The following PCDHGA11 variants were observed in gnomAD, a reference collection of about 807,000 sequenced individuals.
PCDHGA11 encodes the protein protocadherin gamma subfamily A, 11.
Under a neutral mutation model 60.4 loss-of-function variants are expected in PCDHGA11, and 39 were observed. The ratio of observed to expected loss-of-function variants is 0.65; its 90% CI spans 0.50 to 0.84. The LOEUF is 0.84. Among genes scored for constraint, PCDHGA11 ranks in the 40% least tolerant of loss-of-function variants. The probability of loss-of-function intolerance (pLI) is 0.00; values close to 1 mark genes in which losing one functional copy is unlikely to be tolerated. For synonymous variants in PCDHGA11, 533 were observed against 510.3 expected (o/e 1.04, Z -0.60); for missense variants, 1,165 against 1,197.7 (o/e 0.97, Z 0.40).
rs148995268 is a variant in PCDHGA11, at chr5:141,486,253, C to T, written c.2434-8554C>T. On this transcript the variant is annotated intron_variant, in intron 1 of 3. Coordinates refer to ENST00000398587, the MANE Select transcript of PCDHGA11 (RefSeq NM_018914.3). The surrounding 1 kb of genome is among the most constrained non-coding windows in gnomAD (Gnocchi z 5.0). The stretch of plus-strand genomic sequence containing the variant: ...TGACCTCAGAGCTTGGAACCCTCCC[C>T]GAGAGTGCAGAACCTGGCACTGTGG... 8 of 1,614,020 alleles carry T rather than the reference C, an allele frequency of 5.0e-6. No individual in the cohort carries two copies. The African/African-American group carries it at 8.0e-5, about 16-fold the overall frequency.
chr5:141,479,329 G>A (rs2099493017), intron 1 of PCDHGA11: 1 of 152,490 alleles, frequency 6.6e-6, no homozygotes, highest in African/African-American at 2.4e-5. Context: ...AGACTCAGTG[G>A]TGTGCACCTG....
intron 1 of PCDHGA11, among the ~76,000 whole-genome samples, chr5:141,470,205 G>T (rs934926584): frequency 6.6e-6 from 1 of 152,094 alleles, no homozygotes; most frequent in Non-Finnish European, 1.5e-5. Flanking sequence ...AAATATGAAG[G>T]CTAAACCATT....
intron 1 of PCDHGA11, among the ~76,000 whole-genome samples, chr5:141,446,128 G>A (rs1242643475): frequency 3.3e-5 from 5 of 152,188 alleles, no homozygotes; most frequent in Non-Finnish European, 7.3e-5. Flanking sequence ...GGTTCAATAA[G>A]ACTTAATAAT....
intron 1 of PCDHGA11, chr5:141,479,750 G>T: frequency 6.6e-6 from 1 of 152,310 alleles, no homozygotes. Context: ...CAATGTGAAA[G>T]GTAGATAAAT....
intron 1 of PCDHGA11, among the ~76,000 whole-genome samples, chr5:141,469,088 G>A (rs1388316490): frequency 6.6e-6 from 1 of 151,604 alleles, no homozygotes; most frequent in Non-Finnish European, 1.5e-5. Context: ...ACCATTCTAG[G>A]CAACAAAGCA....
chr5:141,499,089 A>G (rs1417307590), intron 2 of PCDHGA11, among the ~76,000 whole-genome samples: 2 of 152,116 alleles, frequency 1.3e-5, no homozygotes, highest in Non-Finnish European at 1.5e-5. Context: ...CCTGCTTGGC[A>G]CATGCTTCTC....
In PCDHGA11 at chr5:141,486,030, C is replaced by T. The variant is rs2099623234; in HGVS notation, c.2434-8777C>T. 2 of 1,614,046 alleles carry T rather than the reference C, an allele frequency of 1.2e-6. No homozygotes were observed. Among genetic ancestry groups the T allele is most frequent in the African/African-American group, 1.3e-5 (1 of 74,918 alleles). On this transcript the variant is annotated intron_variant, in intron 1 of 3. Coordinates refer to ENST00000398587, the MANE Select transcript of PCDHGA11 (RefSeq NM_018914.3). This position sits in a 1 kb window ranked among gnomAD's most constrained non-coding sequence, Gnocchi z 5.0. ...ACCTTTTATTTCAGTGGTCATACCC[C>T]TGATCGTGTAAGAAACCTCTTTAGC...
At chr5:141,480,910 T>C (rs985100480) in intron 1 of PCDHGA11, among the ~76,000 whole-genome samples, 5 of 152,106 alleles carry the variant, frequency 3.3e-5, no homozygotes, top group Non-Finnish European at 7.4e-5. Flanking sequence ...CTGGGCATGG[T>C]GGCGCATACC....
At position 141,493,202 on chromosome 5, in the gene PCDHGA11, A is replaced by G. The variant is rs1246390819; in HGVS notation, c.2434-1605A>G. Among the ~76,000 whole-genome samples, 1 of 152,196 alleles carries G rather than the reference A, an allele frequency of 6.6e-6. No individual in the cohort carries two copies. ...ACTATATAACTCCTTTGAGAACCTC[A>G]TCTCATTTGCTCTTCCCACCATTGC... On this transcript the variant is annotated intron_variant, in intron 1 of 3. Transcript: ENST00000398587. The surrounding 1 kb of genome is among the most constrained non-coding windows in gnomAD (Gnocchi z 4.3).
intron 1 of PCDHGA11, among the ~76,000 whole-genome samples, chr5:141,492,165 C>T (rs932762928): frequency 1.4e-4 from 22 of 152,210 alleles, no homozygotes; most frequent in African/African-American, 4.8e-4. Context: ...TCCCTATCCC[C>T]GCATCACCCA....
chr5:141,427,711 A>T, intron 1 of PCDHGA11: 1 of 1,036,498 alleles, frequency 9.6e-7, no homozygotes, highest in Non-Finnish European at 1.5e-6. Context: ...AGCGCCTCTG[A>T]CCTGGACCTA....
At chr5:141,494,181 C>T (rs2099752517) in intron 1 of PCDHGA11, among the ~76,000 whole-genome samples, 1 of 152,136 alleles carries the variant, frequency 6.6e-6, no homozygotes, top group Non-Finnish European at 1.5e-5. Flanking sequence ...GAGAAGTGTC[C>T]CGGGACTTGG....
At position 141,422,330 on chromosome 5, in the gene PCDHGA11, CTCT is replaced by C; in HGVS notation, c.1107_1109del (p.Leu370del). 6.5e-7 allele frequency: 1 copy of C among 1,548,166 alleles called. No individual in the cohort carries two copies. Among genetic ancestry groups the C allele is most frequent in the East Asian group, 2.2e-5 (1 of 44,574 alleles). ...AACTCTCCTCCAGGTACAGTGATTG[CTCT>C]TCTAAATGTGCAAGATCAAGATTCT... On this transcript the variant is annotated inframe_deletion, in exon 1 of 4. Coordinates refer to ENST00000398587, the MANE Select transcript of PCDHGA11 (RefSeq NM_018914.3).
intron 1 of PCDHGA11, among the ~76,000 whole-genome samples, chr5:141,479,998 G>A (rs2099511091): frequency 6.6e-6 from 1 of 152,272 alleles, no homozygotes; most frequent in South Asian, 2.1e-4. Flanking sequence ...AGGAGTCTGT[G>A]GCCAAGTTAC....
At chr5:141,495,852 TCTCA>T (rs1473070626) in intron 2 of PCDHGA11, among the ~76,000 whole-genome samples, 1 of 152,174 alleles carries the variant, frequency 6.6e-6, no homozygotes, top group Non-Finnish European at 1.5e-5. Flanking sequence ...TTTCTCTGTC[TCTCA>T]CTATTTCTGC....
In PCDHGA11 at chr5:141,477,486, C is replaced by T. The variant is rs1472326209; in HGVS notation, c.2434-17321C>T. On this transcript the variant is annotated intron_variant, in intron 1 of 3. Coordinates refer to ENST00000398587, the MANE Select transcript of PCDHGA11 (RefSeq NM_018914.3). This position sits in a 1 kb window ranked among gnomAD's most constrained non-coding sequence, Gnocchi z 4.9. ...GACATCAATGACAACCCTCCACAATCTTCTCAATCTTCCTACGACGTTTAC... is the reference window on the plus strand; with the variant it reads ...GACATCAATGACAACCCTCCACAATTTTCTCAATCTTCCTACGACGTTTAC... 6.2e-7 allele frequency: 1 copy of T among 1,614,052 alleles called. No individual in the cohort carries two copies. The highest frequency in any genetic ancestry group is 1.3e-5 in the African/African-American group (1 of 74,914).
Position 141,423,580 on chromosome 5 carries a change from A to C in PCDHGA11, c.2353A>C (p.Ser785Arg), listed in dbSNP as rs368022774. 46 of 1,613,286 alleles carry C rather than the reference A, an allele frequency of 2.9e-5. No individual in the cohort carries two copies. In the African/African-American group the frequency reaches 5.6e-4, roughly 20 times the overall value. Residue 785 changes from serine (S) to arginine (R), a missense_variant, in exon 1 of 4, where the codon AGC becomes CGC. Physicochemically the swap from Ser to Arg is moderately radical, Grantham distance 110 (BLOSUM62 -1). Coordinates refer to ENST00000398587, the MANE Select transcript of PCDHGA11 (RefSeq NM_018914.3). ...TGGGGACACGCTCATCAGCCAGGAGAGCTGTGAGAAAAGCGAGCCACTCTT... is the reference window on the plus strand; with the variant it reads ...TGGGGACACGCTCATCAGCCAGGAGCGCTGTGAGAAAAGCGAGCCACTCTT... The part of the protein sequence containing the change: ...NYGDTLISQE[S>R]CEKSEPLLIA...
chr5:141,479,651 C>A (rs56818742), intron 1 of PCDHGA11: 43,954 of 152,194 alleles, frequency 0.29, 6,853 homozygotes, highest in African/African-American at 0.41. Flanking sequence ...ACAACAACAA[C>A]AATCCCAGAA....
chr5:141,500,084 C>T (rs1354544132), intron 2 of PCDHGA11, among the ~76,000 whole-genome samples: 1 of 152,030 alleles, frequency 6.6e-6, no homozygotes, highest in Non-Finnish European at 1.5e-5. Flanking sequence ...CCTCCATCTT[C>T]CATTTTTGCA....
Sources: allele counts gnomAD v4.1 joint callset (sites outside exome capture counted in the v4.1 genomes callset), GRCh38; gene constraint gnomAD v4.1.1; non-coding constraint Gnocchi (gnomAD v3.1); transcripts MANE v1.5; gene names NCBI Gene and HGNC (gene_info 2026-07-23, HGNC 2026-07-21).